The following PACRG variants were observed in gnomAD, a reference collection of about 807,000 sequenced individuals.
The protein encoded by PACRG is parkin coregulated.
PACRG carries 29 observed loss-of-function variants against 29.7 expected under a neutral mutation model. The ratio of observed to expected loss-of-function variants is 0.98; its 90% CI spans 0.73 to 1.33. The LOEUF is 1.33. Among genes scored for constraint, PACRG ranks in the 40% most tolerant of loss-of-function variants. PACRG has a pLI of 0.00. For missense variants in PACRG, 279 were observed against 316.2 expected, an observed-to-expected ratio of 0.88 and a Z score of 0.89; for synonymous variants, 116 against 118.7, an observed-to-expected ratio of 0.98 and a Z score of 0.15.
At chr6:163,009,851 T>C (rs1234058748) in intron 2 of PACRG, among the ~76,000 whole-genome samples, 1 of 152,268 alleles carries the variant, frequency 6.6e-6, no homozygotes, top group African/African-American at 2.4e-5. Context: ...TTATTGTTGT[T>C]ATAAAATTTC....
upstream of PACRG, chr6:162,727,526 C>A (rs1779329519): frequency 3.0e-6 from 3 of 996,884 alleles, no homozygotes. Context: ...GCGGCGCGGG[C>A]CGGGGACGGC....
chr6:163,138,257 T>C (rs750515827), intron 4 of PACRG, among the ~76,000 whole-genome samples: 1 of 152,212 alleles, frequency 6.6e-6, no homozygotes, highest in Non-Finnish European at 1.5e-5. Flanking sequence ...TTTTCTAACT[T>C]AAGAACCAGA....
At chr6:163,273,782 C>T (rs1173330079) in intron 4 of PACRG, among the ~76,000 whole-genome samples, 2 of 151,846 alleles carry the variant, frequency 1.3e-5, no homozygotes, top group Non-Finnish European at 1.5e-5. Context: ...ATCTTTTGGA[C>T]TTATTTTGTA....
chr6:162,752,300 G>T (rs1011936826), intron 1 of PACRG, among the ~76,000 whole-genome samples: 2 of 152,140 alleles, frequency 1.3e-5, no homozygotes, highest in Admixed American at 1.3e-4. Flanking sequence ...TATATGAGAG[G>T]CAAGTATGTG....
chr6:162,897,643 G>A (rs974694372), intron 2 of PACRG, among the ~76,000 whole-genome samples: 2 of 152,216 alleles, frequency 1.3e-5, no homozygotes, highest in Admixed American at 6.5e-5. Context: ...TCTTGGTAAC[G>A]TTACACTGAG....
rs910113189 is a variant in PACRG, at chr6:162,893,507, G to A, written c.291+79226G>A. Among the ~76,000 whole-genome samples, 11 of 152,226 alleles carry A rather than the reference G, an allele frequency of 7.2e-5. No individual in the cohort carries two copies. The East Asian group carries it at 1.2e-3, about 16-fold the overall frequency. ...CACACTGGTCCCAACAGTCAAGGAA[G>A]CCCAACTTGGGGGTGCCAGCAATTG... is the stretch of plus-strand genomic sequence containing the variant. On this transcript the variant is annotated intron_variant, in intron 2 of 4. Transcript: ENST00000366888.
intron 4 of PACRG, among the ~76,000 whole-genome samples, chr6:163,106,463 T>A (rs1400775244): frequency 6.6e-6 from 1 of 152,234 alleles, no homozygotes; most frequent in Non-Finnish European, 1.5e-5. Flanking sequence ...AATTATTTAC[T>A]GTGATCTGTT....
chr6:163,269,960 AAAGAAAGAAAG>A lies in PACRG; in HGVS notation c.614-44864_614-44854del, dbSNP rs1276135277. On this transcript the variant is annotated intron_variant, in intron 4 of 4. Coordinates refer to ENST00000366888, the MANE Select transcript of PACRG (RefSeq NM_001080379.2). ...GAAAGAAAGAAAGAAAGAAAGAAAG[AAAGAAAGAAAG>A]AAAGAAAGAAAGAAAGAAAGAAAGA... is the stretch of plus-strand genomic sequence containing the variant. 1.3e-3 allele frequency among the ~76,000 whole-genome samples: 104 copies of A among 79,470 alleles called. 12 individuals are homozygous for A. Among genetic ancestry groups the A allele is most frequent in the Non-Finnish European group, 1.9e-3 (76 of 39,122 alleles). The allele number at this position is 79,470 out of a possible 152,430, so 52.1% of individuals were successfully genotyped here.
chr6:162,904,405 T>C (rs1795787790), intron 2 of PACRG, among the ~76,000 whole-genome samples: 1 of 152,166 alleles, frequency 6.6e-6, no homozygotes, highest in African/African-American at 2.4e-5. Flanking sequence ...GAACAGCCCC[T>C]GCTGGTTGAA....
chr6:162,994,295 C>G (rs1455852339), intron 2 of PACRG, among the ~76,000 whole-genome samples: 2 of 150,408 alleles, frequency 1.3e-5, no homozygotes, highest in Admixed American at 1.3e-4. Flanking sequence ...GCCTGCCTTG[C>G]TAGATTGGGA....
At chr6:163,062,626 G>C (rs188246794) in intron 3 of PACRG, among the ~76,000 whole-genome samples, 1 of 152,206 alleles carries the variant, frequency 6.6e-6, no homozygotes, top group East Asian at 1.9e-4. Context: ...ACCTGCTGCT[G>C]CTAACTTCCA....
At chr6:163,303,544 G>C (rs1231915653) in intron 4 of PACRG, among the ~76,000 whole-genome samples, 1 of 152,118 alleles carries the variant, frequency 6.6e-6, no homozygotes, top group African/African-American at 2.4e-5. Flanking sequence ...CACTCCTGAG[G>C]GCAGCCATCA....
intron 2 of PACRG, among the ~76,000 whole-genome samples, chr6:162,962,865 C>T (rs6934653): frequency 0.16 from 23,639 of 152,040 alleles, 3,211 homozygotes; most frequent in African/African-American, 0.36. Context: ...CTTCTCTGAA[C>T]TGTATTCCTG....
At chr6:162,930,444 A>G (rs1363664719) in intron 2 of PACRG, among the ~76,000 whole-genome samples, 1 of 151,870 alleles carries the variant, frequency 6.6e-6, no homozygotes, top group Non-Finnish European at 1.5e-5. Context: ...TTGATTTTGT[A>G]TCCTGCAACT....
At chr6:163,291,617 T>C (rs1291531228) in intron 4 of PACRG, among the ~76,000 whole-genome samples, 1 of 152,260 alleles carries the variant, frequency 6.6e-6, no homozygotes, top group Non-Finnish European at 1.5e-5. Context: ...CCACGGAGCC[T>C]AATTCTTGTA....
At chr6:162,817,111 G>T (rs1424183384) in intron 2 of PACRG, among the ~76,000 whole-genome samples, 5 of 152,156 alleles carry the variant, frequency 3.3e-5, no homozygotes, top group Admixed American at 3.3e-4. Context: ...AGAGCCTGTG[G>T]CTCCGAAGGA....
rs552939886 is a variant in PACRG at position 163,197,448 on chromosome 6, T to C, written c.613+108040T>C. On this transcript the variant is annotated intron_variant, in intron 4 of 4. Coordinates refer to ENST00000366888, the MANE Select transcript of PACRG (RefSeq NM_001080379.2). ...TCTTTTCTTTTCTTTTTTTTTTTTT[T>C]TTTTTTTTTTTGTGAGACAGGGTCT... is the stretch of plus-strand genomic sequence containing the variant. Among the ~76,000 whole-genome samples, 441 of 142,264 alleles carry C rather than the reference T, an allele frequency of 3.1e-3. 1 individual carries two copies. The highest frequency in any genetic ancestry group is 0.021 in the Middle Eastern group (6 of 290). 93.3% of individuals were successfully genotyped at this position (142,264 alleles called of 152,430 possible). A position where few individuals can be genotyped will look rare whatever the true frequency, so the allele number is the denominator to read the frequency against.
At chr6:162,997,753 T>C (rs1804209421) in intron 2 of PACRG, among the ~76,000 whole-genome samples, 1 of 152,258 alleles carries the variant, frequency 6.6e-6, no homozygotes, top group South Asian at 2.1e-4. Flanking sequence ...TGTCAGACTT[T>C]TAATCTGTGT....
intron 2 of PACRG, among the ~76,000 whole-genome samples, chr6:162,992,184 T>C (rs1360990912): frequency 7.6e-6 from 1 of 131,056 alleles, no homozygotes; most frequent in Non-Finnish European, 1.6e-5. Flanking sequence ...TCATCAAGGA[T>C]ATTGGTCTAA....
Sources: gnomAD v4.1 joint callset for allele counts (sites outside exome capture counted in the v4.1 genomes callset) on GRCh38, gnomAD v4.1.1 for gene constraint, MANE v1.5 for transcripts, NCBI Gene and HGNC (gene_info 2026-07-23, HGNC 2026-07-21) for gene names.